The following SPON1 variants were observed in gnomAD, a reference collection of about 807,000 sequenced individuals.
SPON1 encodes spondin 1, also known as spondin-1.
SPON1 carries 52 observed loss-of-function variants against 111.7 expected under a neutral mutation model. The observed-to-expected ratio is 0.47, with a 90% CI of 0.37 to 0.59. The LOEUF (loss-of-function observed/expected upper bound fraction) is 0.59, where lower values mean the gene tolerates loss of function less well. Among genes scored for constraint, SPON1 ranks in the 20% least tolerant of loss-of-function variants. SPON1 has a pLI of 0.00. For synonymous variants in SPON1, 410 were observed against 395.8 expected, an observed-to-expected ratio of 1.04 and a Z score of -0.43; for missense variants, 957 against 1,068.5, an observed-to-expected ratio of 0.90 and a Z score of 1.46.
intron 6 of SPON1, among the ~76,000 whole-genome samples, chr11:14,169,113 C>G (rs1848067282): frequency 2.6e-5 from 4 of 152,248 alleles, no homozygotes; most frequent in African/African-American, 9.6e-5. Context: ...TTTACATTCT[C>G]ACCAATAGTG....
chr11:14,072,881 G>A (rs1848887831), intron 3 of SPON1, among the ~76,000 whole-genome samples: 4 of 152,070 alleles, frequency 2.6e-5, no homozygotes, highest in African/African-American at 9.7e-5. Flanking sequence ...CATTAAACTT[G>A]GAGTGAAATG....
intron 1 of SPON1, among the ~76,000 whole-genome samples, chr11:13,963,648 G>A (rs1429562991): frequency 1.3e-5 from 2 of 151,874 alleles, no homozygotes; most frequent in African/African-American, 4.8e-5. Flanking sequence ...TCCCTGGATA[G>A]GTCCCTTCAG....
intron 1 of SPON1, 138 bp downstream of exon 1, chr11:13,963,280 G>T (rs1184427936): frequency 5.0e-6 from 3 of 603,326 alleles, no homozygotes; most frequent in Non-Finnish European, 8.2e-6. Flanking sequence ...TTCTGTCCTG[G>T]CTGCCCTCGG....
At chr11:14,003,133 T>C (rs782773584) in intron 2 of SPON1, among the ~76,000 whole-genome samples, 1 of 152,194 alleles carries the variant, frequency 6.6e-6, no homozygotes, top group South Asian at 2.1e-4. Context: ...GACCACTCCC[T>C]GATTCCTAGA....
chr11:14,084,501 G>A (rs1848990023), intron 5 of SPON1, among the ~76,000 whole-genome samples: 1 of 152,168 alleles, frequency 6.6e-6, no homozygotes, highest in Admixed American at 6.5e-5. Context: ...TGGCTGCATA[G>A]TATTCCATGG....
chr11:14,135,799 G>A lies in SPON1; in HGVS notation c.825+231G>A, dbSNP rs1847584805. Among the ~76,000 whole-genome samples the A allele has an allele frequency of 6.6e-6, 1 of 152,158 alleles. No individual in the cohort carries two copies. Among genetic ancestry groups the A allele is most frequent in the Admixed American group, 6.5e-5 (1 of 15,280 alleles). ...ATGTTTTCTTCAGCCTGTGCTAAAT[G>A]CTGCTGCTGTGGCCATATTGTTGGG... On this transcript the variant is annotated intron_variant, in intron 6 of 15. Transcript: ENST00000576479. This position sits in a 1 kb window ranked among gnomAD's most constrained non-coding sequence, Gnocchi z 4.4.
At position 13,963,040 on chromosome 11, in the gene SPON1, C is replaced by G. The variant is rs954998562; in HGVS notation, c.136C>G (p.Arg46Gly). The change falls in exon 1 of 16, where the codon CGT becomes GGT. Residue 46 changes from arginine to glycine, a missense_variant. Around this residue, in one of 5 missense-constraint regions of SPON1, gnomAD observed 262 missense variants for 253.9 expected, o/e 1.03. Transcript: ENST00000576479. ...KVPKSEGYCS[R>G]ILRAQGTRRE... is the part of the protein sequence containing the mutation. ...GCCCAAGTCAGAGGGCTACTGCAGC[C>G]GTATCCTGCGCGCCCAGGGCACGCG... 5.1e-6 allele frequency: 8 copies of G among 1,583,838 alleles called. No individual in the cohort carries two copies. The highest frequency in any genetic ancestry group is 8.6e-7 in the Non-Finnish European group (1 of 1,166,386).
At chr11:14,159,549 A>G (rs2133872652) in intron 6 of SPON1, among the ~76,000 whole-genome samples, 1 of 152,272 alleles carries the variant, frequency 6.6e-6, no homozygotes, top group East Asian at 1.9e-4. Context: ...ATCCAAAAGA[A>G]AGGAAATCAG....
chr11:14,259,228 C>G lies in SPON1; in HGVS notation c.1493-52C>G. 4 of 1,512,320 alleles carry G rather than the reference C, an allele frequency of 2.6e-6. No individual in the cohort carries two copies. The highest frequency in any genetic ancestry group is 1.4e-5 in the African/African-American group (1 of 72,794). The allele number at this position is 1,512,320 out of a possible 1,614,324, so 93.7% of individuals were successfully genotyped here. On this transcript the variant is annotated intron_variant, in intron 11 of 15. Transcript: ENST00000576479. This position sits in a 1 kb window ranked among gnomAD's most constrained non-coding sequence, Gnocchi z 5.0. ...GGGAAGTTCCCACCGCGCAGCCTGG[C>G]AGGCGCCCCTGCCACCGTGCACTGC...
At chr11:13,975,246 A>G (rs531009511) in intron 1 of SPON1, among the ~76,000 whole-genome samples, 1 of 152,348 alleles carries the variant, frequency 6.6e-6, no homozygotes, top group South Asian at 2.1e-4. Flanking sequence ...CCAGGGATGT[A>G]GCACTGAGCT....
chr11:14,231,927 G>A (rs1848808053), intron 6 of SPON1, among the ~76,000 whole-genome samples: 2 of 112,852 alleles, frequency 1.8e-5, no homozygotes, highest in Admixed American at 1.6e-4. Flanking sequence ...GGTAAGGATG[G>A]TGGGATTATA....
In SPON1 at chr11:14,198,916, G is replaced by A. The variant is rs758939238; in HGVS notation, c.826-44416G>A. Among the ~76,000 whole-genome samples, 110 of 152,174 alleles carry A rather than the reference G, an allele frequency of 7.2e-4. 1 individual carries two copies. Among genetic ancestry groups the A allele is most frequent in the Admixed American group, 2.6e-3 (40 of 15,282 alleles). ...CATTTTTTTAAACTGACTCGAGTAA[G>A]GCAATGAATGAGGTTTCCGAAAGAT... On this transcript the variant is annotated intron_variant, in intron 6 of 15. Coordinates refer to ENST00000576479, the MANE Select transcript of SPON1 (RefSeq NM_006108.4).
At chr11:14,263,314 G>T (rs1554942121) in intron 15 of SPON1, among the ~76,000 whole-genome samples, 10 of 152,152 alleles carry the variant, frequency 6.6e-5, no homozygotes. Flanking sequence ...GTCCAACTTT[G>T]CTCAAAGTCA....
Position 14,245,293 on chromosome 11 carries a change from C to G in SPON1, c.890+1897C>G, listed in dbSNP as rs116681209. 7.3e-4 allele frequency among the ~76,000 whole-genome samples: 111 copies of G among 152,278 alleles called. 1 individual carries two copies. The highest frequency in any genetic ancestry group is 3.4e-3 in the Middle Eastern group (1 of 294). ...CCTGCTCATTTAACCATTCAGCAAA[C>G]TAATGGCTCATCCCCTACTGTGCGC... On this transcript the variant is annotated intron_variant, in intron 7 of 15. Coordinates refer to ENST00000576479, the MANE Select transcript of SPON1 (RefSeq NM_006108.4).
chr11:14,245,110 T>C (rs938558844), intron 7 of SPON1, among the ~76,000 whole-genome samples: 9 of 152,080 alleles, frequency 5.9e-5, no homozygotes, highest in Admixed American at 5.9e-4. Context: ...GAGATGCTGC[T>C]CAGTGGGAGA....
chr11:14,012,719 G>A (rs1200177912), intron 2 of SPON1, among the ~76,000 whole-genome samples: 2 of 152,238 alleles, frequency 1.3e-5, no homozygotes, highest in East Asian at 1.9e-4. Flanking sequence ...TCTGATGTCT[G>A]CCATTGGGGA....
intron 2 of SPON1, among the ~76,000 whole-genome samples, chr11:14,028,551 G>C (rs782053626): frequency 6.6e-6 from 1 of 151,956 alleles, no homozygotes; most frequent in Non-Finnish European, 1.5e-5. Context: ...AGATTCACTG[G>C]CATTTACATA....
intron 6 of SPON1, among the ~76,000 whole-genome samples, chr11:14,178,925 AATG>A (rs1178639720): frequency 3.3e-5 from 5 of 152,226 alleles, no homozygotes; most frequent in African/African-American, 1.2e-4. Context: ...AGACTGGCCC[AATG>A]ATGATTAATT....
intron 4 of SPON1, among the ~76,000 whole-genome samples, chr11:14,075,697 G>T (rs1260189237): frequency 6.6e-6 from 1 of 152,018 alleles, no homozygotes; most frequent in Non-Finnish European, 1.5e-5. Flanking sequence ...TTCTGAAGAG[G>T]TTCCTTGGAA....
Sources: gnomAD v4.1 joint callset for allele counts (sites outside exome capture counted in the v4.1 genomes callset) on GRCh38, gnomAD v4.1.1 for gene constraint, gnomAD v4.1.1 regional missense constraint, Gnocchi (gnomAD v3.1) non-coding constraint, MANE v1.5 for transcripts, NCBI Gene and HGNC (gene_info 2026-07-23, HGNC 2026-07-21) for gene names.